Variants in ARL13B observed in about 807,000 individuals in gnomAD.
The protein encoded by ARL13B is ARF like GTPase 13B, also known as ADP-ribosylation factor-like protein 13B.
ARL13B carries 36 observed loss-of-function variants against 56.1 expected under a neutral mutation model. That is an observed-to-expected ratio of 0.64 (90% CI 0.49 to 0.85). The LOEUF (loss-of-function observed/expected upper bound fraction) is 0.85, where lower values mean the gene tolerates loss of function less well. Ranked by LOEUF, ARL13B falls within the 40% of genes least tolerant of loss-of-function variation. The pLI is 0.00. For missense variants in ARL13B, 519 were observed against 507.1 expected, an observed-to-expected ratio of 1.02 and a Z score of -0.23; for synonymous variants, 178 against 171.1, an observed-to-expected ratio of 1.04 and a Z score of -0.32.
At chr3:94,032,497 C>CT (rs934879105) in intron 3 of ARL13B, among the ~76,000 whole-genome samples, 83 of 146,430 alleles carry the variant, frequency 5.7e-4, no homozygotes, top group Middle Eastern at 3.6e-3. Context: ...ATGGAGATTT[C>CT]TTTTTTTTTT....
At position 94,043,124 on chromosome 3, in the gene ARL13B, A is replaced by G. The variant is rs1347845625; in HGVS notation, c.908A>G (p.Gln303Arg). The stretch of plus-strand genomic sequence containing the variant: ...CATGAGCAAATAGAGACACAAGGCC[A>G]GGTTAATCACAATGGCCAAAAAAAT... ...MEHEQIETQG[Q>R]VNHNGQKNNE... The change falls in exon 7 of 10, where the codon CAG becomes CGG. Residue 303 changes from glutamine to arginine, a missense_variant. Physicochemically the swap from Gln to Arg is conservative, Grantham distance 43 (BLOSUM62 1). Transcript: ENST00000394222. 6.2e-7 allele frequency: 1 copy of G among 1,613,846 alleles called. No individual in the cohort carries two copies. Among genetic ancestry groups the G allele is most frequent in the Non-Finnish European group, 8.5e-7 (1 of 1,179,942 alleles).
chr3:94,035,236 C>CAA (rs374163446), intron 3 of ARL13B, 95 bp from the exon 4 acceptor site: 2,559 of 553,156 alleles, frequency 4.6e-3, no homozygotes, highest in Middle Eastern at 6.8e-3. Flanking sequence ...GACTCAGTCT[C>CAA]AAAAAAAAAA....
intron 3 of ARL13B, among the ~76,000 whole-genome samples, chr3:94,009,333 G>T (rs4572809): frequency 0.79 from 117,645 of 149,854 alleles, 46,281 homozygotes; most frequent in Non-Finnish European, 0.82. Flanking sequence ...GATTTTTTTT[G>T]TTTGTTTCCA....
chr3:94,003,479 A>T (rs1024383273), intron 2 of ARL13B, among the ~76,000 whole-genome samples, 180 bp from the exon 3 acceptor site: 1 of 152,222 alleles, frequency 6.6e-6, no homozygotes, highest in Non-Finnish European at 1.5e-5. Context: ...TCCTATCTGC[A>T]TGGAGTAAAA....
At position 93,996,731 on chromosome 3, in the gene ARL13B, C is replaced by T. The variant is rs377236900; in HGVS notation, c.130+787C>T. 1.5e-4 allele frequency: 42 copies of T among 272,754 alleles called. No homozygotes were observed. In the East Asian group the frequency reaches 4.0e-3, roughly 26 times the overall value. The allele number at this position is 272,754 out of a possible 1,614,324, so 16.9% of individuals were successfully genotyped here. A position where few individuals can be genotyped will look rare whatever the true frequency, so the allele number is the denominator to read the frequency against. ...GTGCTACAATATAGCAGTATCTATG[C>T]TAGTGACTTTGTTGGGCACCTAGAA... On this transcript the variant is annotated intron_variant, in intron 2 of 9. Transcript: ENST00000394222.
chr3:94,035,852 G>C (rs543811107), intron 4 of ARL13B, among the ~76,000 whole-genome samples: 1 of 152,262 alleles, frequency 6.6e-6, no homozygotes, highest in African/African-American at 2.4e-5. Context: ...GGGGCAGATT[G>C]CTTGAGCCCA....
intron 3 of ARL13B, among the ~76,000 whole-genome samples, chr3:94,007,605 A>C (rs2076155939): frequency 6.6e-6 from 1 of 152,162 alleles, no homozygotes; most frequent in African/African-American, 2.4e-5. Flanking sequence ...TGATAAAACC[A>C]TCAGATCTCG....
intron 3 of ARL13B, among the ~76,000 whole-genome samples, chr3:94,015,840 C>G (rs1165638990): frequency 6.6e-6 from 1 of 152,078 alleles, no homozygotes. Flanking sequence ...TAACGTATTA[C>G]TTGGCATAAT....
At chr3:94,035,267 A>AAT (rs2076746755) in intron 3 of ARL13B, 64 bp from the exon 4 acceptor site, 1 of 1,179,156 alleles carries the variant, frequency 8.5e-7, no homozygotes, top group Non-Finnish European at 1.2e-6. Flanking sequence ...ATGTGGTCAA[A>AAT]ATATCTTTAA....
chr3:94,034,178 T>G (rs576712953), intron 3 of ARL13B, among the ~76,000 whole-genome samples: 1 of 152,122 alleles, frequency 6.6e-6, no homozygotes, highest in South Asian at 2.1e-4. Context: ...AGTAATGTGA[T>G]TCAGGCAGCA....
intron 3 of ARL13B, among the ~76,000 whole-genome samples, chr3:94,004,522 A>G (rs142924545): frequency 4.0e-3 from 608 of 152,252 alleles, no homozygotes; most frequent in Non-Finnish European, 6.5e-3. Context: ...ACCGTGAGGC[A>G]TAGCAAACTG....
At chr3:94,015,137 G>C in intron 3 of ARL13B, 1 of 1,613,912 alleles carries the variant, frequency 6.2e-7, no homozygotes, top group Admixed American at 1.7e-5. Flanking sequence ...TCAGCTACAG[G>C]CTCTCTTTCA....
Position 94,039,047 on chromosome 3 carries a change from T to C in ARL13B, c.690-833T>C, listed in dbSNP as rs138679135. Among the ~76,000 whole-genome samples, 7 of 152,348 alleles carry C rather than the reference T, an allele frequency of 4.6e-5. No individual in the cohort carries two copies. The East Asian group carries it at 1.3e-3, about 29-fold the overall frequency. On this transcript the variant is annotated intron_variant, in intron 5 of 9. Coordinates refer to ENST00000394222, the MANE Select transcript of ARL13B (RefSeq NM_001174150.2). Reference sequence around the variant, plus strand: ...TATTTTATATTACTACTCTGTCATATACTTCTATAGAATCAATCTGTAGAT... The same window carrying C: ...TATTTTATATTACTACTCTGTCATACACTTCTATAGAATCAATCTGTAGAT...
chr3:94,027,801 ATAT>A (rs1439414029), intron 3 of ARL13B, among the ~76,000 whole-genome samples: 4 of 152,250 alleles, frequency 2.6e-5, no homozygotes, highest in Middle Eastern at 3.4e-3. Context: ...ACTAGTTGAA[ATAT>A]TATAAAGGTT....
chr3:94,014,746 T>C (rs2076292218), intron 3 of ARL13B: 1 of 1,613,294 alleles, frequency 6.2e-7, no homozygotes, highest in South Asian at 1.1e-5. Context: ...AGACATCTCT[T>C]TTCCAGCAAC....
chr3:94,046,358 A>G (rs1458706860), intron 7 of ARL13B, among the ~76,000 whole-genome samples: 1 of 151,548 alleles, frequency 6.6e-6, no homozygotes, highest in African/African-American at 2.4e-5. Context: ...TTCCTTGAAT[A>G]TAAAATATTC....
At chr3:94,049,200 C>T (rs1253446020) in intron 7 of ARL13B, among the ~76,000 whole-genome samples, 1 of 152,058 alleles carries the variant, frequency 6.6e-6, no homozygotes, top group Non-Finnish European at 1.5e-5. Context: ...ATTCATTGCT[C>T]ATTCATTCAT....
At chr3:94,031,177 G>C (rs916716879) in intron 3 of ARL13B, among the ~76,000 whole-genome samples, 2 of 152,148 alleles carry the variant, frequency 1.3e-5, no homozygotes. Flanking sequence ...GGGCAACAGA[G>C]TGAGACCCTG....
At chr3:94,006,430 C>A (rs919675851) in intron 3 of ARL13B, among the ~76,000 whole-genome samples, 1 of 152,070 alleles carries the variant, frequency 6.6e-6, no homozygotes, top group East Asian at 1.9e-4. Context: ...CAATTAATTT[C>A]TCTTATTGAT....
Sources: gnomAD v4.1 joint callset for allele counts (sites outside exome capture counted in the v4.1 genomes callset) on GRCh38, gnomAD v4.1.1 for gene constraint, MANE v1.5 for transcripts, NCBI Gene and HGNC (gene_info 2026-07-23, HGNC 2026-07-21) for gene names.